LMF1: variants seen among roughly 807,000 people sequenced by gnomAD.
The protein encoded by LMF1 is transmembrane protein 112.
LMF1 carries 68 observed loss-of-function variants against 60.6 expected under a neutral mutation model. The observed-to-expected ratio is 1.12, with a 90% CI of 0.92 to 1.37. The LOEUF (loss-of-function observed/expected upper bound fraction) is 1.37, where lower values mean the gene tolerates loss of function less well. Among genes scored for constraint, LMF1 ranks in the 40% most tolerant of loss-of-function variants. The pLI is 0.00. For missense variants in LMF1, 948 were observed against 767.2 expected (o/e 1.24, Z -2.78); for synonymous variants, 418 against 324.7 (o/e 1.29, Z -3.09).
intron 2 of LMF1, among the ~76,000 whole-genome samples, chr16:953,253 C>A (rs1213887619): frequency 6.6e-5 from 5 of 75,346 alleles, no homozygotes; most frequent in Non-Finnish European, 1.1e-4. Context: ...ACACAGACAC[C>A]CACCCCAAAC....
intron 3 of LMF1, among the ~76,000 whole-genome samples, chr16:932,564 A>G (rs2071821032): frequency 6.6e-6 from 1 of 151,872 alleles, no homozygotes; most frequent in Middle Eastern, 3.2e-3. Context: ...AAAAAATAAT[A>G]CTGTTGTGAT....
intron 10 of LMF1, chr16:855,479 T>G: frequency 5.6e-6 from 2 of 357,532 alleles, no homozygotes; most frequent in South Asian, 4.2e-5. Context: ...CTCGGAGGAC[T>G]GGGCATTTTC....
intron 4 of LMF1, among the ~76,000 whole-genome samples, chr16:893,958 C>T (rs554906030): frequency 1.3e-5 from 2 of 152,130 alleles, no homozygotes; most frequent in South Asian, 2.1e-4. Context: ...CAACCACTCC[C>T]GGCCAAATCC....
chr16:855,541 G>A (rs1197314208), intron 10 of LMF1: 2 of 366,668 alleles, frequency 5.5e-6, no homozygotes, highest in Non-Finnish European at 1.1e-5. Context: ...CGGCTGCCCC[G>A]GAGGAGGAGG....
At chr16:879,082 T>C (rs1252283194) in intron 6 of LMF1, among the ~76,000 whole-genome samples, 3 of 151,612 alleles carry the variant, frequency 2.0e-5, no homozygotes, top group African/African-American at 4.8e-5. Flanking sequence ...GACGGGGCGT[T>C]AGGGGGTACC....
chr16:968,217 C>T lies in LMF1; in HGVS notation c.193+2571G>A, dbSNP rs151059512. On this transcript the variant is annotated intron_variant, in intron 1 of 10. Coordinates refer to ENST00000262301, the MANE Select transcript of LMF1 (RefSeq NM_022773.4). ...AATGCAGAGGCCTGTCGCTGGCAGCCGGCCTCTCCAGGTCTGGCTTCGAAG... is the reference window on the plus strand; with the variant it reads ...AATGCAGAGGCCTGTCGCTGGCAGCTGGCCTCTCCAGGTCTGGCTTCGAAG... 6.8e-3 allele frequency among the ~76,000 whole-genome samples: 1,035 copies of T among 152,282 alleles called. 16 individuals are homozygous for T. The highest frequency in any genetic ancestry group is 0.024 in the African/African-American group (984 of 41,538).
rs559574264 is a variant in LMF1, at chr16:952,892, C to G, written c.503+1465G>C. Among the ~76,000 whole-genome samples, 20 of 139,254 alleles carry G rather than the reference C, an allele frequency of 1.4e-4. No homozygotes were observed. The South Asian group carries it at 4.5e-3, about 31-fold the overall frequency. 91.4% of individuals were successfully genotyped at this position (139,254 alleles called of 152,430 possible). ...AGCCTCCTACACATCCACACAGACACCCACCCCAAACCAGCCTCCTACACG... is the reference window on the plus strand; with the variant it reads ...AGCCTCCTACACATCCACACAGACAGCCACCCCAAACCAGCCTCCTACACG... On this transcript the variant is annotated intron_variant, in intron 2 of 10. Coordinates refer to ENST00000262301, the MANE Select transcript of LMF1 (RefSeq NM_022773.4).
intron 1 of LMF1, chr16:964,222 G>C: frequency 2.3e-6 from 1 of 440,068 alleles, no homozygotes; most frequent in Admixed American, 2.4e-5. Context: ...CTTGAAATCG[G>C]AAGGCGGAGG....
At chr16:980,573 G>GCT (rs1344402285) in intron 1 of LMF1, 1 of 152,262 alleles carries the variant, frequency 6.6e-6, no homozygotes, top group Admixed American at 6.5e-5. Context: ...CGGGCCGCAA[G>GCT]CTCGGAGACG....
chr16:857,438 CACGGGACGGG>C (rs1188667233), intron 10 of LMF1, among the ~76,000 whole-genome samples: 2 of 150,494 alleles, frequency 1.3e-5, no homozygotes, highest in Non-Finnish European at 3.0e-5. Flanking sequence ...GCAGTGGTGT[CACGGGACGGG>C]TGTGAGTGGT....
intron 6 of LMF1, among the ~76,000 whole-genome samples, chr16:876,573 C>T (rs1242728258): frequency 1.3e-5 from 2 of 152,214 alleles, no homozygotes; most frequent in African/African-American, 4.8e-5. Context: ...CCTTTGTAGT[C>T]TCTGCACAGT....
chr16:855,080 C>A, intron 10 of LMF1: 1 of 341,992 alleles, frequency 2.9e-6, no homozygotes, highest in Non-Finnish European at 5.6e-6. Flanking sequence ...GTGTCCCCCG[C>A]CTGGGAAGGT....
At chr16:950,660 C>G (rs2151466896) in intron 2 of LMF1, among the ~76,000 whole-genome samples, 1 of 146,636 alleles carries the variant, frequency 6.8e-6, no homozygotes, top group East Asian at 2.1e-4. Flanking sequence ...CAGCCAACGA[C>G]AGAATCAGAG....
intron 10 of LMF1, among the ~76,000 whole-genome samples, chr16:866,990 T>C (rs2069626843): frequency 6.6e-6 from 1 of 152,152 alleles, no homozygotes; most frequent in African/African-American, 2.4e-5. Context: ...GGGATCTTGG[T>C]TGCACTTAGT....
chr16:883,227 G>A (rs1012571058), intron 5 of LMF1, among the ~76,000 whole-genome samples: 5 of 147,328 alleles, frequency 3.4e-5, no homozygotes, highest in Non-Finnish European at 7.4e-5. Context: ...GGAGAAAGAG[G>A]AGCTGCTCAG....
intron 4 of LMF1, 40 bp downstream of exon 4, chr16:910,891 C>A: frequency 6.2e-7 from 1 of 1,609,514 alleles, no homozygotes; most frequent in Non-Finnish European, 8.5e-7. Context: ...AGAAGAGCCA[C>A]CGTTATTCCC....
intron 2 of LMF1, among the ~76,000 whole-genome samples, chr16:941,410 AG>A (rs1203411047): frequency 6.6e-6 from 1 of 151,980 alleles, no homozygotes; most frequent in African/African-American, 2.4e-5. Flanking sequence ...AGTAAAGATG[AG>A]GCTTCACCAT....
intron 4 of LMF1, among the ~76,000 whole-genome samples, chr16:910,333 G>A (rs2071075513): frequency 6.6e-6 from 1 of 152,152 alleles, no homozygotes; most frequent in Non-Finnish European, 1.5e-5. Context: ...GGGCCCAGGA[G>A]GGAACCCGCC....
At chr16:935,441 G>A (rs879809448) in intron 2 of LMF1, among the ~76,000 whole-genome samples, 13 of 152,066 alleles carry the variant, frequency 8.5e-5, no homozygotes, top group African/African-American at 1.7e-4. Context: ...GAATATGTAC[G>A]CTGACTTGTA....
Sources: gnomAD v4.1 joint callset for allele counts (sites outside exome capture counted in the v4.1 genomes callset) on GRCh38, gnomAD v4.1.1 for gene constraint, MANE v1.5 for transcripts, NCBI Gene and HGNC (gene_info 2026-07-23, HGNC 2026-07-21) for gene names.